Variants in ASPH observed in about 807,000 individuals in gnomAD.
The protein encoded by ASPH is aspartyl/asparaginyl beta-hydroxylase.
Under a neutral mutation model 118.4 loss-of-function variants are expected in ASPH, and 100 were observed. The observed-to-expected ratio is 0.84, with a 90% CI of 0.72 to 1.00. ASPH has a LOEUF of 1.00. Among genes scored for constraint, ASPH ranks in the 50% least tolerant of loss-of-function variants. ASPH has a pLI of 0.00. For missense variants in ASPH, 920 were observed against 919.5 expected (o/e 1.00, Z -0.01); for synonymous variants, 315 against 325.6 (o/e 0.97, Z 0.35).
chr8:61,525,060 A>T (rs1172977020), intron 22 of ASPH, among the ~76,000 whole-genome samples: 1 of 152,208 alleles, frequency 6.6e-6, no homozygotes, highest in Admixed American at 6.5e-5. Context: ...CCCTGAAAAC[A>T]TTACTAAAGT....
At chr8:61,615,088 ACTTTT>A (rs1848603603) in intron 14 of ASPH, among the ~76,000 whole-genome samples, 1 of 152,116 alleles carries the variant, frequency 6.6e-6, no homozygotes, top group Non-Finnish European at 1.5e-5. Context: ...ACAAGTTCTT[ACTTTT>A]GTCTTCGAAA....
rs1390431979 is a variant in ASPH, at chr8:61,684,074, A to G, written c.218T>C (p.Val73Ala). The G allele has an allele frequency of 1.2e-6, 2 of 1,613,600 alleles. No homozygotes were observed. Among genetic ancestry groups the G allele is most frequent in the Non-Finnish European group, 1.7e-6 (2 of 1,179,742 alleles). Reference sequence around the variant, plus strand: ...CTCATAGTCAACAAGATCAAACCAAACGACAGCTACAGATGTCCAGACGCC... The same window carrying G: ...CTCATAGTCAACAAGATCAAACCAAGCGACAGCTACAGATGTCCAGACGCC... ...LLGVWTSVAVVWFDLVDYEEV... is the reference protein window; with the variant it reads ...LLGVWTSVAVAWFDLVDYEEV... The change falls in exon 2 of 25, where the codon GTT becomes GCT. Residue 73 changes from valine (V) to alanine (A), a missense_variant. Val to Ala is a moderately conservative substitution (Grantham distance 64, BLOSUM62 0). Transcript: ENST00000379454.
At chr8:61,587,026 C>A (rs1183198940) in intron 14 of ASPH, among the ~76,000 whole-genome samples, 2 of 152,196 alleles carry the variant, frequency 1.3e-5, no homozygotes, top group African/African-American at 4.8e-5. Context: ...GTTAAGAAAT[C>A]TGTTATTCCT....
chr8:61,671,905 G>C (rs1589004604), intron 3 of ASPH, among the ~76,000 whole-genome samples: 2 of 152,246 alleles, frequency 1.3e-5, no homozygotes, highest in Non-Finnish European at 2.9e-5. Context: ...CTGCATTACA[G>C]ATACACAAGT....
chr8:61,708,895 C>A (rs1837399976), intron 1 of ASPH, among the ~76,000 whole-genome samples: 2 of 144,958 alleles, frequency 1.4e-5, no homozygotes, highest in Admixed American at 1.4e-4. Flanking sequence ...ACCCCTCAAC[C>A]AAGTCAATTC....
At chr8:61,558,629 T>A (rs1378556939) in intron 18 of ASPH, among the ~76,000 whole-genome samples, 2 of 152,164 alleles carry the variant, frequency 1.3e-5, no homozygotes, top group African/African-American at 4.8e-5. Context: ...GGAGGCGAGG[T>A]TCAGGGCTCA....
At chr8:61,519,584 G>T (rs1812201700) in intron 22 of ASPH, among the ~76,000 whole-genome samples, 2 of 152,212 alleles carry the variant, frequency 1.3e-5, no homozygotes, top group Non-Finnish European at 2.9e-5. Flanking sequence ...GCTGTAAGTG[G>T]CACTGAGATT....
chr8:61,603,367 G>A (rs976796633), intron 14 of ASPH, among the ~76,000 whole-genome samples: 9 of 152,048 alleles, frequency 5.9e-5, no homozygotes, highest in African/African-American at 1.7e-4. Flanking sequence ...ACAGCAATTC[G>A]TTTTGTGTGA....
At chr8:61,612,570 C>T (rs1847784307) in intron 14 of ASPH, among the ~76,000 whole-genome samples, 1 of 151,982 alleles carries the variant, frequency 6.6e-6, no homozygotes, top group Admixed American at 6.6e-5. Flanking sequence ...AGGGGTTTCA[C>T]CATGTTGGCC....
intron 1 of ASPH, among the ~76,000 whole-genome samples, chr8:61,695,652 C>T (rs182370453): frequency 1.3e-5 from 2 of 152,330 alleles, no homozygotes; most frequent in Admixed American, 1.3e-4. Flanking sequence ...GACAACTATA[C>T]AACAACTGAT....
chr8:61,596,961 G>A (rs1193787173), intron 14 of ASPH, among the ~76,000 whole-genome samples: 1 of 151,926 alleles, frequency 6.6e-6, no homozygotes. Flanking sequence ...AACTCAGTGA[G>A]ATATATGAGA....
chr8:61,630,968 G>A (rs1478300938), intron 13 of ASPH, among the ~76,000 whole-genome samples: 1 of 152,012 alleles, frequency 6.6e-6, no homozygotes, highest in Non-Finnish European at 1.5e-5. Flanking sequence ...TGATATTGAT[G>A]ATCCTGCAGG....
At chr8:61,584,120 G>T in intron 14 of ASPH, 91 bp from the exon 15 acceptor site, 1 of 785,512 alleles carries the variant, frequency 1.3e-6, no homozygotes, top group Non-Finnish European at 2.0e-6. Flanking sequence ...GAAACCTGAT[G>T]CTGGTCTCCA....
At position 61,576,781 on chromosome 8, in the gene ASPH, C is replaced by T. The variant is rs1835300334; in HGVS notation, c.1140G>A (p.Gly380=). 6.2e-7 allele frequency: 1 copy of T among 1,609,048 alleles called. No homozygotes were observed. The highest frequency in any genetic ancestry group is 1.3e-5 in the African/African-American group (1 of 74,994). Residue 380 remains glycine, a synonymous_variant, in exon 16 of 25, where the codon GGG becomes GGA. Transcript: ENST00000379454. ...KYPQSPRARY[G]KAQCEDDLAE... Reference sequence around the variant, plus strand: ...AAGGGTCTCAGAATACCTGCGCCTTCCCATATCTTGCTCGTGGACTCTGAG... The same window carrying T: ...AAGGGTCTCAGAATACCTGCGCCTTTCCATATCTTGCTCGTGGACTCTGAG...
chr8:61,609,324 C>A (rs887479081), intron 14 of ASPH, among the ~76,000 whole-genome samples: 2 of 152,206 alleles, frequency 1.3e-5, no homozygotes, highest in Non-Finnish European at 2.9e-5. Flanking sequence ...CCCTATGAGG[C>A]TAGGTTTCTC....
At chr8:61,598,153 C>G (rs967645512) in intron 14 of ASPH, among the ~76,000 whole-genome samples, 1 of 152,122 alleles carries the variant, frequency 6.6e-6, no homozygotes, top group Non-Finnish European at 1.5e-5. Context: ...TGAATATAAA[C>G]AAATTAAATT....
chr8:61,626,395 T>C, intron 13 of ASPH: 1 of 1,265,546 alleles, frequency 7.9e-7, no homozygotes, highest in Non-Finnish European at 1.0e-6. Flanking sequence ...TTTTTTTTTT[T>C]GGTGTTTGTT....
rs556063929 is a variant in ASPH at position 61,696,306 on chromosome 8, C to T, written c.104-12118G>A. On this transcript the variant is annotated intron_variant, in intron 1 of 24. Transcript: ENST00000379454. ...TTGAGAAAGCTGCTTGCATTTTCAT[C>T]AGTATTAGTAAACGAAAGTGAAATA... is the stretch of plus-strand genomic sequence containing the variant. 1.1e-3 allele frequency among the ~76,000 whole-genome samples: 175 copies of T among 152,292 alleles called. 1 individual carries two copies. Among genetic ancestry groups the T allele is most frequent in the South Asian group, 6.4e-3 (31 of 4,826 alleles).
intron 14 of ASPH, among the ~76,000 whole-genome samples, chr8:61,612,090 T>C (rs754135572): frequency 6.7e-6 from 1 of 149,802 alleles, no homozygotes. Flanking sequence ...ATTGGGTTTA[T>C]TAGAAAAATA....
Sources: allele counts gnomAD v4.1 joint callset (sites outside exome capture counted in the v4.1 genomes callset), GRCh38; gene constraint gnomAD v4.1.1; transcripts MANE v1.5; gene names NCBI Gene and HGNC (gene_info 2026-07-23, HGNC 2026-07-21).